The following MRPL38 variants were observed in gnomAD, a reference collection of about 807,000 sequenced individuals.
The protein encoded by MRPL38 is mitochondrial ribosomal protein L38, also known as large ribosomal subunit protein mL38.
A neutral mutation model predicts 52.1 loss-of-function variants in MRPL38; 51 were observed. That is an observed-to-expected ratio of 0.98 (90% CI 0.78 to 1.24). MRPL38 has a LOEUF of 1.24. MRPL38 is among the 50% of genes most tolerant of loss of function. MRPL38 has a pLI of 0.00. For synonymous variants in MRPL38, 245 were observed against 212.7 expected, an observed-to-expected ratio of 1.15 and a Z score of -1.32; for missense variants, 527 against 518.6, an observed-to-expected ratio of 1.02 and a Z score of -0.16.
rs770292845 is a variant in MRPL38 at position 75,901,192 on chromosome 17, G to C, written c.664+9C>G. ...GGGGCAGGAGGCCTGGTGAGCCCCA[G>C]ACACCCACCCAAGCTAGTGAGTAGC... is the stretch of plus-strand genomic sequence containing the variant. On this transcript the variant is annotated intron_variant, in intron 5 of 8. Coordinates refer to ENST00000309352, the MANE Select transcript of MRPL38 (RefSeq NM_032478.4). The surrounding 1 kb of genome is among the most constrained non-coding windows in gnomAD (Gnocchi z 5.7). The C allele has an allele frequency of 6.2e-7, 1 of 1,613,382 alleles. No individual in the cohort carries two copies. The highest frequency in any genetic ancestry group is 8.5e-7 in the Non-Finnish European group (1 of 1,179,774).
chr17:75,902,211 T>A, intron 2 of MRPL38, 57 bp from the exon 3 acceptor site: 3 of 1,523,218 alleles, frequency 2.0e-6, no homozygotes, highest in Admixed American at 4.1e-5. Context: ...AGCCTTAACC[T>A]CCCCAACTCA....
intron 2 of MRPL38, 147 bp downstream of exon 2, chr17:75,904,393 G>C (rs1265194382): frequency 2.3e-6 from 2 of 864,286 alleles, no homozygotes; most frequent in African/African-American, 1.7e-5. Flanking sequence ...GCTGCCGATA[G>C]CGCACACAGG....
At chr17:75,900,720 CAAAAAAA>C (rs5822109) in intron 6 of MRPL38, 32 of 1,032,790 alleles carry the variant, frequency 3.1e-5, no homozygotes, top group South Asian at 6.3e-5. Context: ...GACCCTGTCT[CAAAAAAA>C]AAAAAAAAAA....
At chr17:75,899,880 G>A (rs1221008423) in intron 6 of MRPL38, 2 of 387,740 alleles carry the variant, frequency 5.2e-6, no homozygotes, top group Non-Finnish European at 9.1e-6. Flanking sequence ...AGCTCCGAGT[G>A]GGGGACAGGG....
chr17:75,899,653 C>A lies in MRPL38; in HGVS notation c.732G>T (p.Arg244=). The A allele has an allele frequency of 6.3e-7, 1 of 1,580,546 alleles. No homozygotes were observed. Among genetic ancestry groups the A allele is most frequent in the Non-Finnish European group, 8.6e-7 (1 of 1,161,598 alleles). The change falls in exon 7 of 9, where the codon CGG becomes CGT. Residue 244 remains arginine, a synonymous_variant. Transcript: ENST00000309352. The part of the protein sequence containing the change: ...HWLLTNIPGN[R]VAEGQVTCPY... Reference sequence around the variant, plus strand: ...GACACGTCACCTGTCCTTCAGCCACCCGGTTACCCGGGATGTTGGTTCTGG... The same window carrying A: ...GACACGTCACCTGTCCTTCAGCCACACGGTTACCCGGGATGTTGGTTCTGG...
At position 75,898,789 on chromosome 17, in the gene MRPL38, CTG is replaced by C. The variant is rs2065388111; in HGVS notation, c.*59_*60del. 1 of 1,598,194 alleles carries C rather than the reference CTG, an allele frequency of 6.3e-7. No homozygotes were observed. ...GACCCCACAGTGTGGGCCTCTGGAG[CTG>C]TGTCTTTACTCTTGCTGCCGATCAA... On this transcript the variant is annotated 3_prime_UTR_variant, in exon 9 of 9. Coordinates refer to ENST00000309352, the MANE Select transcript of MRPL38 (RefSeq NM_032478.4).
At position 75,901,959 on chromosome 17, in the gene MRPL38, G is replaced by T; in HGVS notation, c.383-39C>A. 6.2e-7 allele frequency: 1 copy of T among 1,607,642 alleles called. No individual in the cohort carries two copies. The stretch of plus-strand genomic sequence containing the variant: ...AGGCCAGTTGGGATACGGGGGTGGG[G>T]GGGGCAGGGACACACCCTGTACCCC... On this transcript the variant is annotated intron_variant, in intron 3 of 8. Coordinates refer to ENST00000309352, the MANE Select transcript of MRPL38 (RefSeq NM_032478.4). This position sits in a 1 kb window ranked among gnomAD's most constrained non-coding sequence, Gnocchi z 5.7.
Position 75,899,558 on chromosome 17 carries a change from T to A in MRPL38, c.827A>T (p.Asp276Val). ...GTCCTCAGAGAAGTCAATCGGCTGG[T>A]CCTGCTTGAAGAGCAGGAAGGCAAG... ...HRLAFLLFKQ[D>V]QPIDFSEDAR... is the part of the protein sequence containing the mutation. Residue 276 changes from aspartate (D) to valine (V), a missense_variant, in exon 7 of 9, where the codon GAC becomes GTC. Physicochemically the swap from Asp to Val is radical, Grantham distance 152. Coordinates refer to ENST00000309352, the MANE Select transcript of MRPL38 (RefSeq NM_032478.4). 6.3e-7 allele frequency: 1 copy of A among 1,589,736 alleles called. No individual in the cohort carries two copies. The highest frequency in any genetic ancestry group is 8.6e-7 in the Non-Finnish European group (1 of 1,168,518).
At position 75,901,110 on chromosome 17, in the gene MRPL38, G is replaced by T; in HGVS notation, c.665-83C>A. On this transcript the variant is annotated intron_variant, in intron 5 of 8. Transcript: ENST00000309352. The surrounding 1 kb of genome is among the most constrained non-coding windows in gnomAD (Gnocchi z 5.7). ...TCCCTTGTTAGGAGCCAGCGCTGGAGATCTCCACCTGGCCCCTCCCCCAGC... is the reference window on the plus strand; with the variant it reads ...TCCCTTGTTAGGAGCCAGCGCTGGATATCTCCACCTGGCCCCTCCCCCAGC... 1.3e-6 allele frequency: 2 copies of T among 1,594,084 alleles called. No individual in the cohort carries two copies. The highest frequency in any genetic ancestry group is 1.7e-6 in the Non-Finnish European group (2 of 1,171,338).
In MRPL38 at chr17:75,899,563, C is replaced by T; in HGVS notation, c.822G>A (p.Lys274=). 1 of 1,605,106 alleles carries T rather than the reference C, an allele frequency of 6.2e-7. No homozygotes were observed. Among genetic ancestry groups the T allele is most frequent in the South Asian group, 1.1e-5 (1 of 90,030 alleles). Reference sequence around the variant, plus strand: ...CAGAGAAGTCAATCGGCTGGTCCTGCTTGAAGAGCAGGAAGGCAAGACGGT... The same window carrying T: ...CAGAGAAGTCAATCGGCTGGTCCTGTTTGAAGAGCAGGAAGGCAAGACGGT... ...GIHRLAFLLF[K]QDQPIDFSED... Residue 274 remains lysine, a synonymous_variant, in exon 7 of 9, where the codon AAG becomes AAA. Coordinates refer to ENST00000309352, the MANE Select transcript of MRPL38 (RefSeq NM_032478.4).
chr17:75,900,737 A>G (rs2065400080), intron 6 of MRPL38: 7 of 1,295,270 alleles, frequency 5.4e-6, no homozygotes, highest in Non-Finnish European at 6.9e-6. Context: ...AAAAAAAAAA[A>G]AGAAAAGAAA....
Position 75,899,693 on chromosome 17 carries a change from C to A in MRPL38, c.711-19G>T. 6 of 1,539,704 alleles carry A rather than the reference C, an allele frequency of 3.9e-6. No individual in the cohort carries two copies. The highest frequency in any genetic ancestry group is 5.3e-6 in the Non-Finnish European group (6 of 1,139,502). ...GTTGGTTCTGGGAGGAGGAAAGTCC[C>A]GGTTAATTACCACTCCAGGGAGGCA... On this transcript the variant is annotated intron_variant, in intron 6 of 8. Transcript: ENST00000309352.
chr17:75,904,801 C>A lies in MRPL38; in HGVS notation c.67+8G>T. On this transcript the variant is annotated splice_region_variant and intron_variant, in intron 1 of 8. Transcript: ENST00000309352. The stretch of plus-strand genomic sequence containing the variant: ...CCCCCCCCCCCCGCAGAGCTGCCCA[C>A]CCCTCACCCGAGGTGCTGAAGCCCC... 6.6e-7 allele frequency: 1 copy of A among 1,508,694 alleles called. No individual in the cohort carries two copies. The allele number at this position is 1,508,694 out of a possible 1,614,324, so 93.5% of individuals were successfully genotyped here.
chr17:75,901,177 G>A lies in MRPL38; in HGVS notation c.664+24C>T. ...TCATAGGAGGTGAGCGGGGCAGGAG[G>A]CCTGGTGAGCCCCAGACACCCACCC... On this transcript the variant is annotated intron_variant, in intron 5 of 8. Coordinates refer to ENST00000309352, the MANE Select transcript of MRPL38 (RefSeq NM_032478.4). The surrounding 1 kb of genome is among the most constrained non-coding windows in gnomAD (Gnocchi z 5.7). 1 of 1,612,364 alleles carries A rather than the reference G, an allele frequency of 6.2e-7. No individual in the cohort carries two copies. Among genetic ancestry groups the A allele is most frequent in the Non-Finnish European group, 8.5e-7 (1 of 1,179,240 alleles).
At position 75,902,017 on chromosome 17, in the gene MRPL38, T is replaced by C; in HGVS notation, c.382+3A>G. ...GGATGGCCCCTCCCCTGAGAAGGCT[T>C]ACCTGTGCGGAGGCGGGCAGCCCGC... On this transcript the variant is annotated splice_donor_region_variant and intron_variant, in intron 3 of 8. Coordinates refer to ENST00000309352, the MANE Select transcript of MRPL38 (RefSeq NM_032478.4). 6.2e-7 allele frequency: 1 copy of C among 1,613,746 alleles called. No individual in the cohort carries two copies. Among genetic ancestry groups the C allele is most frequent in the Non-Finnish European group, 8.5e-7 (1 of 1,179,780 alleles).
Position 75,904,855 on chromosome 17 carries a change from T to G in MRPL38, c.21A>C (p.Arg7=). MAAPWW[R]AALCECRRWR... is the part of the protein sequence containing the mutation. Reference sequence around the variant, plus strand: ...ATCTCCGACACTCGCACAGCGCGGCTCGCCACCAGGGCGCCGCCATCTTCC... The same window carrying G: ...ATCTCCGACACTCGCACAGCGCGGCGCGCCACCAGGGCGCCGCCATCTTCC... The change falls in exon 1 of 9, where the codon CGA becomes CGC. Residue 7 remains arginine (R), a synonymous_variant. Coordinates refer to ENST00000309352, the MANE Select transcript of MRPL38 (RefSeq NM_032478.4). The G allele has an allele frequency of 6.8e-7, 1 of 1,466,658 alleles. No individual in the cohort carries two copies. The highest frequency in any genetic ancestry group is 1.6e-5 in the African/African-American group (1 of 64,302). The allele number at this position is 1,466,658 out of a possible 1,614,324, so 90.9% of individuals were successfully genotyped here.
At position 75,902,113 on chromosome 17, in the gene MRPL38, CTT is replaced by C. The variant is rs950058106; in HGVS notation, c.287_288del (p.Lys96SerfsTer57). 6.3e-7 allele frequency: 1 copy of C among 1,590,556 alleles called. No homozygotes were observed. Among genetic ancestry groups the C allele is most frequent in the Non-Finnish European group, 8.6e-7 (1 of 1,168,736 alleles). On this transcript the variant is annotated frameshift_variant, in exon 3 of 9. Coordinates refer to ENST00000309352, the MANE Select transcript of MRPL38 (RefSeq NM_032478.4). LOFTEE classifies it high-confidence loss of function. ...TCCAGTAGCTGTTGGGTCCGGGAGA[CTT>C]TGGGTGGAGGCAGCCCAATATCAAT... ...EKIDIGLPPPKVSRTQQLLER... is the reference protein window; with the variant it reads ...EKIDIGLPPPXVSRTQQLLER...
Position 75,901,850 on chromosome 17 carries a change from C to G in MRPL38, c.453G>C (p.Leu151=), listed in dbSNP as rs772414358. 1.1e-5 allele frequency: 18 copies of G among 1,613,044 alleles called. No individual in the cohort carries two copies. The highest frequency in any genetic ancestry group is 1.4e-5 in the Non-Finnish European group (17 of 1,179,826). The part of the protein sequence containing the change: ...RTCGPYHKQR[L]AEYYGLYRDL... Reference sequence around the variant, plus strand: ...CTCGGTAGAGGCCGTAATACTCAGCCAGACGCTGCTTGTGGTAGGGGCCAC... The same window carrying G: ...CTCGGTAGAGGCCGTAATACTCAGCGAGACGCTGCTTGTGGTAGGGGCCAC... Residue 151 remains leucine (L), a synonymous_variant, in exon 4 of 9, where the codon CTG becomes CTC. Transcript: ENST00000309352. This position sits in a 1 kb window ranked among gnomAD's most constrained non-coding sequence, Gnocchi z 5.7.
rs768104365 is a variant in MRPL38, at chr17:75,901,254, A to G, written c.611T>C (p.Val204Ala). 3 of 1,613,162 alleles carry G rather than the reference A, an allele frequency of 1.9e-6. No homozygotes were observed. Among genetic ancestry groups the G allele is most frequent in the Non-Finnish European group, 2.5e-6 (3 of 1,179,758 alleles). Residue 204 changes from valine to alanine, a missense_variant, in exon 5 of 9, where the codon GTG becomes GCG. Val to Ala is a moderately conservative substitution (Grantham distance 64). Transcript: ENST00000309352. The surrounding 1 kb of genome is among the most constrained non-coding windows in gnomAD (Gnocchi z 5.7). Reference protein sequence around the residue: ...TPTEAAQAPEVTYEAEEGSLW... With the variant: ...TPTEAAQAPEATYEAEEGSLW... ...GGAGCCCTCTTCTGCCTCATAGGTCACCTCTGGCGCTTGGGCAGCCTGGCA... is the reference window on the plus strand; with the variant it reads ...GGAGCCCTCTTCTGCCTCATAGGTCGCCTCTGGCGCTTGGGCAGCCTGGCA...
Sources: allele counts gnomAD v4.1 joint callset, GRCh38; gene constraint gnomAD v4.1.1; non-coding constraint Gnocchi (gnomAD v3.1); transcripts MANE v1.5; gene names NCBI Gene and HGNC (gene_info 2026-07-23, HGNC 2026-07-21).